The following ZCWPW2 variants were observed in gnomAD, a reference collection of about 807,000 sequenced individuals.
The protein encoded by ZCWPW2 is zinc finger CW-type PWWP domain protein 2.
A neutral mutation model predicts 46.6 loss-of-function variants in ZCWPW2; 45 were observed. The observed-to-expected ratio is 0.96, with a 90% CI of 0.76 to 1.24. ZCWPW2 has a LOEUF of 1.24. Among genes scored for constraint, ZCWPW2 ranks in the 50% most tolerant of loss-of-function variants. ZCWPW2 has a pLI of 0.00. For synonymous variants in ZCWPW2, 152 were observed against 137.1 expected, an observed-to-expected ratio of 1.11 and a Z score of -0.76; for missense variants, 429 against 403.9, an observed-to-expected ratio of 1.06 and a Z score of -0.53.
intron 1 of ZCWPW2, among the ~76,000 whole-genome samples, chr3:28,374,231 G>A (rs115558566): frequency 0.01 from 1,534 of 152,174 alleles, 34 homozygotes; most frequent in African/African-American, 0.034. Context: ...TTCCCAGCAC[G>A]ATTTATTGAA....
At chr3:28,385,413 G>GTGC in intron 1 of ZCWPW2, among the ~76,000 whole-genome samples, 1 of 152,250 alleles carries the variant, frequency 6.6e-6, no homozygotes, top group South Asian at 2.1e-4. Context: ...GCATGATCAG[G>GTGC]TGCCAGAATA....
At chr3:28,400,345 T>C (rs986996067) in intron 2 of ZCWPW2, among the ~76,000 whole-genome samples, 3 of 152,160 alleles carry the variant, frequency 2.0e-5, no homozygotes, top group Non-Finnish European at 4.4e-5. Context: ...AAGAGAAATT[T>C]AAAAGTTTGG....
At chr3:28,502,220 A>G (rs972200349) in intron 6 of ZCWPW2, among the ~76,000 whole-genome samples, 4 of 152,138 alleles carry the variant, frequency 2.6e-5, no homozygotes, top group Non-Finnish European at 5.9e-5. Context: ...AGTCTATAGG[A>G]GTTCTATAGG....
intron 4 of ZCWPW2, among the ~76,000 whole-genome samples, chr3:28,444,166 A>T (rs1400713659): frequency 6.6e-6 from 1 of 152,170 alleles, no homozygotes; most frequent in Non-Finnish European, 1.5e-5. Context: ...ATTCATTATT[A>T]TGCTTGTTCA....
chr3:28,470,567 A>G (rs1204973459), intron 4 of ZCWPW2, among the ~76,000 whole-genome samples: 1 of 151,940 alleles, frequency 6.6e-6, no homozygotes, highest in Non-Finnish European at 1.5e-5. Context: ...ATGACATACC[A>G]AAACCTATGA....
At chr3:28,370,483 A>T (rs1388392939) in intron 1 of ZCWPW2, among the ~76,000 whole-genome samples, 1 of 152,346 alleles carries the variant, frequency 6.6e-6, no homozygotes, top group East Asian at 1.9e-4. Flanking sequence ...AAAAGAATAC[A>T]TTATGATATA....
chr3:28,370,772 G>T (rs886663442), intron 1 of ZCWPW2, among the ~76,000 whole-genome samples: 1 of 152,066 alleles, frequency 6.6e-6, no homozygotes, highest in Non-Finnish European at 1.5e-5. Flanking sequence ...TGCTCTTGTT[G>T]CCCAGGCTGG....
intron 5 of ZCWPW2, among the ~76,000 whole-genome samples, chr3:28,484,784 G>A (rs920980560): frequency 5.6e-5 from 8 of 141,680 alleles, no homozygotes; most frequent in African/African-American, 1.9e-4. Flanking sequence ...CTTCTGTCCT[G>A]TCTTCCTTCC....
chr3:28,427,111 G>A lies in ZCWPW2; in HGVS notation c.333-7999G>A, dbSNP rs147428206. ...CCACCCACAGATTCCAAAATTGATC[G>A]TATACTTTTCTTGTAATTCTGATAA... On this transcript the variant is annotated intron_variant, in intron 3 of 9. Coordinates refer to ENST00000383768, the MANE Select transcript of ZCWPW2 (RefSeq NM_001040432.4). Among the ~76,000 whole-genome samples, 458 of 152,224 alleles carry A rather than the reference G, an allele frequency of 3.0e-3. 2 individuals are homozygous for A. Among genetic ancestry groups the A allele is most frequent in the African/African-American group, 9.9e-3 (413 of 41,526 alleles).
intron 9 of ZCWPW2, among the ~76,000 whole-genome samples, chr3:28,522,682 A>G (rs1398667676): frequency 6.6e-6 from 1 of 152,170 alleles, no homozygotes; most frequent in South Asian, 2.1e-4. Flanking sequence ...TGAAAAACAT[A>G]ACTTTCTTAA....
At chr3:28,408,102 A>G (rs1269902645) in intron 2 of ZCWPW2, among the ~76,000 whole-genome samples, 1 of 152,226 alleles carries the variant, frequency 6.6e-6, no homozygotes, top group African/African-American at 2.4e-5. Context: ...AGTTAGATGC[A>G]ATTGAAAATG....
Position 28,525,234 on chromosome 3 carries a change from AACTG to A in ZCWPW2, c.*551_*554del, listed in dbSNP as rs1424528069. On this transcript the variant is annotated 3_prime_UTR_variant, in exon 10 of 10. Coordinates refer to ENST00000383768, the MANE Select transcript of ZCWPW2 (RefSeq NM_001040432.4). Reference sequence around the variant, plus strand: ...CAGTTATTTCAACCATGGTACCCAAAACTGACTGCTTAATAGAGTCTCTGGGAGA... The same window carrying A: ...CAGTTATTTCAACCATGGTACCCAAAACTGCTTAATAGAGTCTCTGGGAGA... The A allele has an allele frequency of 6.6e-6, 1 of 152,380 alleles. No individual in the cohort carries two copies. The highest frequency in any genetic ancestry group is 1.5e-5 in the Non-Finnish European group (1 of 68,194). The allele number at this position is 152,380 out of a possible 1,614,324, so 9.4% of individuals were successfully genotyped here. A position where few individuals can be genotyped will look rare whatever the true frequency, so the allele number is the denominator to read the frequency against.
chr3:28,368,255 A>T (rs1382638231), intron 1 of ZCWPW2, among the ~76,000 whole-genome samples: 4 of 151,982 alleles, frequency 2.6e-5, no homozygotes, highest in Non-Finnish European at 5.9e-5. Flanking sequence ...GGTCTTTACA[A>T]TTTGGCATGT....
chr3:28,404,248 A>G (rs978733191), intron 2 of ZCWPW2, among the ~76,000 whole-genome samples: 1 of 152,218 alleles, frequency 6.6e-6, no homozygotes, highest in African/African-American at 2.4e-5. Flanking sequence ...CAAAAGAGAT[A>G]TACAAATGAC....
chr3:28,438,523 AAACAAAAACAAT>A (rs1185627922), intron 4 of ZCWPW2, among the ~76,000 whole-genome samples: 1 of 152,214 alleles, frequency 6.6e-6, no homozygotes, highest in African/African-American at 2.4e-5. Flanking sequence ...ATAAAAAGAT[AAACAAAAACAAT>A]AACAAAAACA....
At chr3:28,445,704 T>G (rs1697964248) in intron 4 of ZCWPW2, among the ~76,000 whole-genome samples, 1 of 152,054 alleles carries the variant, frequency 6.6e-6, no homozygotes, top group African/African-American at 2.4e-5. Flanking sequence ...TAGTAATTAT[T>G]TAAATGGGTT....
At chr3:28,479,218 G>C (rs1232694300) in intron 5 of ZCWPW2, among the ~76,000 whole-genome samples, 1 of 151,996 alleles carries the variant, frequency 6.6e-6, no homozygotes, top group Non-Finnish European at 1.5e-5. Context: ...AGATGCCCTT[G>C]TGTATTTCAA....
intron 8 of ZCWPW2, among the ~76,000 whole-genome samples, chr3:28,520,022 T>G (rs1407785999): frequency 4.7e-5 from 7 of 149,836 alleles, no homozygotes; most frequent in Admixed American, 4.6e-4. Context: ...TTTTTTTTTT[T>G]GAAATGGAGT....
chr3:28,521,230 T>C (rs1700716084), intron 9 of ZCWPW2, 114 bp downstream of exon 9: 1 of 1,157,122 alleles, frequency 8.6e-7, no homozygotes, highest in Admixed American at 3.5e-5. Context: ...ATGTCTGAAA[T>C]TTGAGTCCTT....
Sources: gnomAD v4.1 joint callset for allele counts (sites outside exome capture counted in the v4.1 genomes callset) on GRCh38, gnomAD v4.1.1 for gene constraint, MANE v1.5 for transcripts, NCBI Gene and HGNC (gene_info 2026-07-23, HGNC 2026-07-21) for gene names.